The following POLRMT variants were observed in gnomAD, a reference collection of about 807,000 sequenced individuals.
POLRMT encodes DNA-directed RNA polymerase, mitochondrial.
Under a neutral mutation model 132.2 loss-of-function variants are expected in POLRMT, and 114 were observed. The ratio of observed to expected loss-of-function variants is 0.86; its 90% CI spans 0.74 to 1.01. The LOEUF is 1.01. Ranked by LOEUF, POLRMT falls within the 50% of genes least tolerant of loss-of-function variation. The probability of loss-of-function intolerance (pLI) is 0.00; values close to 1 mark genes in which losing one functional copy is unlikely to be tolerated. For synonymous variants in POLRMT, 1,020 were observed against 773.4 expected (o/e 1.32, Z -5.29); for missense variants, 2,003 against 1,729.1 (o/e 1.16, Z -2.81).
At chr19:628,637 G>GC (rs889263848) in intron 3 of POLRMT, among the ~76,000 whole-genome samples, 9 of 151,988 alleles carry the variant, frequency 5.9e-5, no homozygotes, top group Admixed American at 3.9e-4. Flanking sequence ...ATCATGGGGG[G>GC]GGAGAAAGCT....
At position 620,105 on chromosome 19, in the gene POLRMT, G is replaced by C. The variant is rs749148277; in HGVS notation, c.2764-25C>G. The stretch of plus-strand genomic sequence containing the variant: ...CCTGAGGAAGGGGCGGCAAACGGGA[G>C]ATGGAAGCTAGAGAGGCAGAGACGT... On this transcript the variant is annotated intron_variant, in intron 11 of 20. Transcript: ENST00000588649. 10 of 1,535,242 alleles carry C rather than the reference G, an allele frequency of 6.5e-6. No homozygotes were observed. The South Asian group carries it at 1.1e-4, about 16-fold the overall frequency.
intron 3 of POLRMT, among the ~76,000 whole-genome samples, chr19:627,829 G>A (rs1417986406): frequency 6.6e-6 from 1 of 151,430 alleles, no homozygotes; most frequent in African/African-American, 2.4e-5. Flanking sequence ...GGAGGCTGCG[G>A]CAGGGAGAAT....
In POLRMT at chr19:632,876, G is replaced by A; in HGVS notation, c.151C>T (p.Gln51Ter). 3.9e-6 allele frequency: 6 copies of A among 1,552,556 alleles called. No individual in the cohort carries two copies. The highest frequency in any genetic ancestry group is 4.3e-6 in the Non-Finnish European group (5 of 1,152,732). The change falls in exon 2 of 21, where the codon CAA becomes TAA. Residue 51 changes from glutamine (Q) to a stop codon, truncating the protein, a stop_gained. Coordinates refer to ENST00000588649, the MANE Select transcript of POLRMT (RefSeq NM_005035.4). LOFTEE classifies it high-confidence loss of function. ...SSSASPQEQDQDRRKDWGHVE... is the reference protein window; with the variant it reads ...SSSASPQEQD ...TGGCCCCAGTCCTTCCTGCGGTCTT[G>A]GTCTTGCTCCTGGGGGCTGGCGGAC...
At chr19:627,045 A>G (rs1234475238) in intron 3 of POLRMT, among the ~76,000 whole-genome samples, 1 of 152,014 alleles carries the variant, frequency 6.6e-6, no homozygotes, top group Non-Finnish European at 1.5e-5. Flanking sequence ...TCCAAAGGGA[A>G]AAAAATTCCC....
At chr19:621,020 TGCC>T in intron 10 of POLRMT, 35 bp downstream of exon 10, 2 of 784,798 alleles carry the variant, frequency 2.5e-6, no homozygotes, top group Non-Finnish European at 3.2e-6. Context: ...GGCGCGGGGG[TGCC>T]GGGAGGGCGG....
At position 617,320 on chromosome 19, in the gene POLRMT, G is replaced by A. The variant is rs1984043795; in HGVS notation, c.3647C>T (p.Ala1216Val). The change falls in exon 21 of 21, where the codon GCC becomes GTC. Residue 1216 changes from alanine to valine, a missense_variant. Transcript: ENST00000588649. ...ACGCTTCACCTGCTCCAGGTCGAAG[G>A]CCCCTGCGGAGGAAGCAGAGCGGAC... is the stretch of plus-strand genomic sequence containing the variant. ...ETLQAVPKPG[A>V]FDLEQVKRST... 1 of 1,612,910 alleles carries A rather than the reference G, an allele frequency of 6.2e-7. No individual in the cohort carries two copies. The highest frequency in any genetic ancestry group is 8.5e-7 in the Non-Finnish European group (1 of 1,179,898).
At position 633,530 on chromosome 19, in the gene POLRMT, G is replaced by A. The variant is rs753878928; in HGVS notation, c.-18C>T. 4 of 1,319,392 alleles carry A rather than the reference G, an allele frequency of 3.0e-6. No individual in the cohort carries two copies. Among genetic ancestry groups the A allele is most frequent in the Admixed American group, 2.8e-5 (1 of 35,574 alleles). 81.7% of individuals were successfully genotyped at this position (1,319,392 alleles called of 1,614,324 possible). On this transcript the variant is annotated 5_prime_UTR_variant, in exon 1 of 21. Transcript: ENST00000588649. ...GCCGACATTACGCACGCCGCTCCAG[G>A]CCACCCCACCGGCCCGCGCCTGCGC...
chr19:631,879 A>G (rs1985443596), intron 2 of POLRMT, among the ~76,000 whole-genome samples: 1 of 151,820 alleles, frequency 6.6e-6, no homozygotes, highest in Admixed American at 6.6e-5. Context: ...GGTTCAAGCG[A>G]TTTTCCTGCC....
At chr19:620,906 GGAGGAGGAAGACGGGCAGGGGGCGCCA>G in intron 10 of POLRMT, 125 bp downstream of exon 10, 14 of 124,624 alleles carry the variant, frequency 1.1e-4, no homozygotes, top group South Asian at 2.2e-4. Flanking sequence ...GAGGGGGAGG[GGAGGAGGAAGACGGGCAGGGGGCGCCA>G]GGGGAGGGGG....
intron 6 of POLRMT, 76 bp from the exon 7 acceptor site, chr19:623,061 A>G: frequency 1.3e-6 from 2 of 1,507,536 alleles, no homozygotes; most frequent in East Asian, 2.3e-5. Context: ...GGGTCACCGC[A>G]GCTCCCTGCA....
intron 3 of POLRMT, among the ~76,000 whole-genome samples, chr19:626,078 T>G (rs1441666496): frequency 6.6e-6 from 1 of 152,192 alleles, no homozygotes; most frequent in African/African-American, 2.4e-5. Flanking sequence ...CCAGGACTTC[T>G]GACAGGTGGT....
At position 621,336 on chromosome 19, in the gene POLRMT, G is replaced by A. The variant is rs758129182; in HGVS notation, c.2362C>T (p.His788Tyr). 2.7e-5 allele frequency: 43 copies of A among 1,589,026 alleles called. No individual in the cohort carries two copies. Among genetic ancestry groups the A allele is most frequent in the Non-Finnish European group, 2.6e-5 (30 of 1,174,954 alleles). Residue 788 changes from histidine (H) to tyrosine (Y), a missense_variant, in exon 10 of 21, where the codon CAC becomes TAC. Transcript: ENST00000588649. ...AGCCAGAAGACGCGGTCCCGCAGGT[G>A]CTGCGCCAGCGAGAGGCGGTACAGC... ...EALYRLSLAQ[H>Y]LRDRVFWLPH... is the part of the protein sequence containing the mutation.
At chr19:620,903 AGGG>A (rs1450874965) in intron 10 of POLRMT, among the ~76,000 whole-genome samples, 152 bp downstream of exon 10, 7 of 24,232 alleles carry the variant, frequency 2.9e-4, no homozygotes, top group African/African-American at 1.6e-3. Context: ...GGGGAGGGGG[AGGG>A]GAGGAGGAAG....
chr19:621,728 G>A lies in POLRMT; in HGVS notation c.1970C>T (p.Ser657Leu), dbSNP rs760917021. The change falls in exon 10 of 21, where the codon TCG becomes TTG. Residue 657 changes from serine (S) to leucine (L), a missense_variant. Ser to Leu is a moderately radical substitution (Grantham distance 145). Coordinates refer to ENST00000588649, the MANE Select transcript of POLRMT (RefSeq NM_005035.4). ...PMLCPPLPWTSPHSGAFLLSP... is the reference protein window; with the variant it reads ...PMLCPPLPWTLPHSGAFLLSP... Reference sequence around the variant, plus strand: ...GAGCAGGAAAGCACCAGAGTGCGGCGATGTCCAGGGCAGCGGGGGGCAAAG... The same window carrying A: ...GAGCAGGAAAGCACCAGAGTGCGGCAATGTCCAGGGCAGCGGGGGGCAAAG... The A allele has an allele frequency of 2.0e-5, 32 of 1,598,744 alleles. No homozygotes were observed. The highest frequency in any genetic ancestry group is 5.0e-5 in the Admixed American group (3 of 59,706).
chr19:633,115 C>T (rs112341842), intron 1 of POLRMT, 177 bp from the exon 2 acceptor site: 2 of 615,740 alleles, frequency 3.2e-6, no homozygotes. Context: ...CCCGCCGCGG[C>T]GAACACGGGC....
chr19:625,279 G>C (rs1470938279), intron 3 of POLRMT, 25 bp from the exon 4 acceptor site: 1 of 1,612,740 alleles, frequency 6.2e-7, no homozygotes, highest in African/African-American at 1.3e-5. Flanking sequence ...CAGGGTGAGG[G>C]TCTGGGGGGA....
chr19:617,933 C>T, intron 17 of POLRMT, 84 bp from the exon 18 acceptor site: 1 of 1,333,252 alleles, frequency 7.5e-7, no homozygotes, highest in South Asian at 1.2e-5. Context: ...CGCTCAGCCC[C>T]CTCCACTTGA....
Position 629,574 on chromosome 19 carries a change from A to G in POLRMT, c.788T>C (p.Met263Thr), listed in dbSNP as rs753398978. ...RQKRKLLTLDMYNAVMLGWAR... is the reference protein window; with the variant it reads ...RQKRKLLTLDTYNAVMLGWAR... ...CCAGCCAAGCATCACGGCGTTGTAC[A>G]TGTCCAGCGTGAGCAGCTTCCGCTT... Residue 263 changes from methionine (M) to threonine (T), a missense_variant, in exon 3 of 21, where the codon ATG becomes ACG. By Grantham distance (81) the Met-to-Thr change is moderately conservative (BLOSUM62 -1). Coordinates refer to ENST00000588649, the MANE Select transcript of POLRMT (RefSeq NM_005035.4). 6.5e-5 allele frequency: 103 copies of G among 1,576,818 alleles called. No individual in the cohort carries two copies. The highest frequency in any genetic ancestry group is 2.0e-5 in the Non-Finnish European group (23 of 1,162,568).
chr19:628,525 G>A (rs1022237955), intron 3 of POLRMT, among the ~76,000 whole-genome samples: 1 of 152,200 alleles, frequency 6.6e-6, no homozygotes, highest in Non-Finnish European at 1.5e-5. Flanking sequence ...CCACGAATTG[G>A]TCTTAATATT....
Sources: allele counts gnomAD v4.1 joint callset (sites outside exome capture counted in the v4.1 genomes callset), GRCh38; gene constraint gnomAD v4.1.1; transcripts MANE v1.5; gene names NCBI Gene and HGNC (gene_info 2026-07-23, HGNC 2026-07-21).